Variants in ACBD6 observed in about 807,000 individuals in gnomAD.
The protein encoded by ACBD6 is acyl-CoA-binding domain-containing protein 6.
In ACBD6, 28 loss-of-function variants were observed where a neutral mutation model predicts 37.2. The ratio of observed to expected loss-of-function variants is 0.75; its 90% CI spans 0.56 to 1.03. ACBD6 has a LOEUF of 1.03. Ranked by LOEUF, ACBD6 falls within the 50% of genes least tolerant of loss-of-function variation. The probability of loss-of-function intolerance (pLI) is 0.00; values close to 1 mark genes in which losing one functional copy is unlikely to be tolerated. For missense variants in ACBD6, 340 were observed against 337.4 expected (o/e 1.01, Z -0.06); for synonymous variants, 113 against 126.8 (o/e 0.89, Z 0.73).
chr1:180,416,118 TGTTA>T (rs2101976768), intron 4 of ACBD6, among the ~76,000 whole-genome samples: 1 of 152,296 alleles, frequency 6.6e-6, no homozygotes, highest in African/African-American at 2.4e-5. Context: ...TGGGCTTACT[TGTTA>T]AATACAGCTA....
intron 3 of ACBD6, among the ~76,000 whole-genome samples, chr1:180,482,372 A>G (rs931612609): frequency 4.6e-5 from 7 of 152,140 alleles, no homozygotes; most frequent in Non-Finnish European, 8.8e-5. Context: ...TCTCCCATCT[A>G]TGCTATTTTT....
chr1:180,496,172 T>A (rs1651732908), intron 1 of ACBD6, among the ~76,000 whole-genome samples: 1 of 152,210 alleles, frequency 6.6e-6, no homozygotes, highest in Non-Finnish European at 1.5e-5. Context: ...ACATTTGTAG[T>A]TAAACTGCAC....
At chr1:180,488,957 T>TA (rs2102083787) in intron 3 of ACBD6, among the ~76,000 whole-genome samples, 1 of 152,312 alleles carries the variant, frequency 6.6e-6, no homozygotes, top group East Asian at 1.9e-4. Context: ...CAGATTATAG[T>TA]AGTTTCTAAC....
chr1:180,489,916 C>A (rs1651426126), intron 3 of ACBD6, among the ~76,000 whole-genome samples: 1 of 152,210 alleles, frequency 6.6e-6, no homozygotes, highest in African/African-American at 2.4e-5. Flanking sequence ...GCCTCAGCCT[C>A]CCAAAGTGTT....
At chr1:180,435,060 C>T (rs2102004063) in intron 3 of ACBD6, 1 of 838,962 alleles carries the variant, frequency 1.2e-6, no homozygotes, top group South Asian at 1.3e-5. Context: ...GGAAGGTCAG[C>T]TTGCACATGA....
At chr1:180,306,911 T>C (rs1018638212) in intron 7 of ACBD6, among the ~76,000 whole-genome samples, 2 of 152,204 alleles carry the variant, frequency 1.3e-5, no homozygotes, top group African/African-American at 4.8e-5. Flanking sequence ...TTGGTGGGAA[T>C]GTAAATTAGT....
intron 6 of ACBD6, among the ~76,000 whole-genome samples, chr1:180,380,614 T>TAAAA (rs35481382): frequency 1.3e-5 from 2 of 149,314 alleles, no homozygotes; most frequent in Non-Finnish European, 3.0e-5. Context: ...TTTTAAAAGT[T>TAAAA]AAAAAAAAAA....
At chr1:180,270,972 G>A (rs916397571) in exon 14 of ACBD6, 4 of 308,764 alleles carry the variant, frequency 1.3e-5, no homozygotes, top group South Asian at 2.8e-5. Context: ...GAGGGCATCT[G>A]GGGCGACTTT....
At chr1:180,352,677 G>A (rs927913166) in intron 6 of ACBD6, among the ~76,000 whole-genome samples, 1 of 152,138 alleles carries the variant, frequency 6.6e-6, no homozygotes, top group Non-Finnish European at 1.5e-5. Flanking sequence ...AGGCACAGAT[G>A]GAACAAGTGT....
chr1:180,331,734 T>C (rs971629806), intron 6 of ACBD6, among the ~76,000 whole-genome samples: 5 of 152,154 alleles, frequency 3.3e-5, no homozygotes, highest in African/African-American at 7.2e-5. Flanking sequence ...ATAGGGGACT[T>C]TGCAATTCCA....
At chr1:180,286,662 G>C (rs1318849649), downstream of ACBD6, among the ~76,000 whole-genome samples, 1 of 152,134 alleles carries the variant, frequency 6.6e-6, no homozygotes, top group East Asian at 1.9e-4. Context: ...TGCTCTACTA[G>C]AATTACAGCA....
intron 11 of ACBD6, chr1:180,273,775 A>AC: frequency 4.0e-6 from 1 of 247,732 alleles, no homozygotes; most frequent in Non-Finnish European, 8.0e-6. Context: ...AATCAACTAA[A>AC]CCAAGCCCTT....
At chr1:180,492,474 G>A (rs955552426) in intron 2 of ACBD6, 109 bp from the exon 3 acceptor site, 3 of 841,312 alleles carry the variant, frequency 3.6e-6, no homozygotes, top group African/African-American at 3.4e-5. Flanking sequence ...TCTGAATATA[G>A]AGATAATAAG....
At chr1:180,291,794 T>C (rs932927154) in intron 7 of ACBD6, among the ~76,000 whole-genome samples, 2 of 152,210 alleles carry the variant, frequency 1.3e-5, no homozygotes, top group Admixed American at 1.3e-4. Flanking sequence ...ATTCTTCTAG[T>C]TCTTTATCAT....
At chr1:180,483,131 C>T (rs763198304) in intron 3 of ACBD6, among the ~76,000 whole-genome samples, 1 of 152,162 alleles carries the variant, frequency 6.6e-6, no homozygotes, top group Non-Finnish European at 1.5e-5. Context: ...TTCTCATATA[C>T]ATTCAGTCCT....
intron 7 of ACBD6, among the ~76,000 whole-genome samples, chr1:180,296,864 C>T (rs370226646): frequency 6.6e-6 from 1 of 152,150 alleles, no homozygotes; most frequent in African/African-American, 2.4e-5. Flanking sequence ...CAGTGGCTCA[C>T]GCCTGTAATC....
chr1:180,447,185 C>T (rs1049735458), intron 3 of ACBD6, among the ~76,000 whole-genome samples: 4 of 152,094 alleles, frequency 2.6e-5, no homozygotes, highest in African/African-American at 9.7e-5. Flanking sequence ...TTTATCCAAT[C>T]CTCCAAATTT....
chr1:180,426,353 C>G (rs1274616099), intron 4 of ACBD6, among the ~76,000 whole-genome samples: 1 of 152,166 alleles, frequency 6.6e-6, no homozygotes, highest in African/African-American at 2.4e-5. Flanking sequence ...AATTTATGTG[C>G]AAACTTCTAG....
intron 3 of ACBD6, among the ~76,000 whole-genome samples, chr1:180,478,425 T>C (rs1650885389): frequency 1.3e-5 from 2 of 151,990 alleles, no homozygotes; most frequent in South Asian, 4.1e-4. Flanking sequence ...CAATACAACC[T>C]AGACAAGGAA....
Sources: allele counts gnomAD v4.1 joint callset (sites outside exome capture counted in the v4.1 genomes callset), GRCh38; gene constraint gnomAD v4.1.1; transcripts MANE v1.5; gene names NCBI Gene and HGNC (gene_info 2026-07-23, HGNC 2026-07-21).